Variants in GALNT13 observed in about 807,000 individuals in gnomAD.
The protein encoded by GALNT13 is polypeptide N-acetylgalactosaminyltransferase 13.
A neutral mutation model predicts 64.2 loss-of-function variants in GALNT13; 28 were observed. That is an observed-to-expected ratio of 0.44 (90% CI 0.32 to 0.60). The LOEUF is 0.60. Ranked by LOEUF, GALNT13 falls within the 20% of genes least tolerant of loss-of-function variation. The pLI is 0.05. For missense variants in GALNT13, 577 were observed against 669.8 expected (o/e 0.86, Z 1.53); for synonymous variants, 214 against 224.6 (o/e 0.95, Z 0.42).
At chr2:153,668,956 A>G in the GALNT13 span, among the ~76,000 whole-genome samples, 394 of 152,342 alleles carry the variant, frequency 2.6e-3, 1 homozygote, top group Non-Finnish European at 4.4e-3. Flanking sequence ...AGATGAGGAC[A>G]GAACAGGAAA....
At chr2:153,250,514 A>G in the GALNT13 span, among the ~76,000 whole-genome samples, 3 of 152,218 alleles carry the variant, frequency 2.0e-5, no homozygotes, top group African/African-American at 4.8e-5. Context: ...CATTTGATCC[A>G]TCAGTTCTGT....
chr2:153,118,433 A>G, the GALNT13 span, among the ~76,000 whole-genome samples: 1 of 152,130 alleles, frequency 6.6e-6, no homozygotes, highest in Non-Finnish European at 1.5e-5. Flanking sequence ...CTGGCTTCAT[A>G]CAAGCAGGTG....
At chr2:154,424,968 A>G (rs1700408857) in intron 11 of GALNT13, among the ~76,000 whole-genome samples, 1 of 152,318 alleles carries the variant, frequency 6.6e-6, no homozygotes, top group Admixed American at 6.5e-5. Flanking sequence ...AAACTTTGGT[A>G]TTATTTGCAC....
chr2:153,412,059 C>G, the GALNT13 span, among the ~76,000 whole-genome samples: 1 of 152,188 alleles, frequency 6.6e-6, no homozygotes, highest in Admixed American at 6.5e-5. Flanking sequence ...CTACATCTTT[C>G]TCGTGTGCTG....
chr2:153,304,125 G>T, the GALNT13 span, among the ~76,000 whole-genome samples: 1 of 151,358 alleles, frequency 6.6e-6, no homozygotes, highest in South Asian at 2.1e-4. Context: ...ATTATCAGAT[G>T]CCACCACCAT....
the GALNT13 span, among the ~76,000 whole-genome samples, chr2:153,541,317 C>A: frequency 7.9e-5 from 12 of 152,262 alleles, no homozygotes; most frequent in South Asian, 2.5e-3. Flanking sequence ...TTTCCTGAGG[C>A]TTCCCTAATC....
the GALNT13 span, among the ~76,000 whole-genome samples, chr2:153,178,418 A>G: frequency 6.6e-6 from 1 of 152,120 alleles, no homozygotes; most frequent in Admixed American, 6.5e-5. Flanking sequence ...GTGTGAGGTG[A>G]TATCTCATTG....
At chr2:153,402,040 T>G in the GALNT13 span, among the ~76,000 whole-genome samples, 2 of 147,138 alleles carry the variant, frequency 1.4e-5, no homozygotes, top group South Asian at 2.3e-4. Context: ...CTTTACATTT[T>G]GGCATGATTT....
chr2:154,179,079 T>A (rs951560058), intron 4 of GALNT13, among the ~76,000 whole-genome samples: 2 of 152,160 alleles, frequency 1.3e-5, no homozygotes. Flanking sequence ...ATCTGCCCAA[T>A]AAACTCTCAC....
At chr2:153,663,820 T>C in the GALNT13 span, among the ~76,000 whole-genome samples, 2 of 152,216 alleles carry the variant, frequency 1.3e-5, no homozygotes, top group Non-Finnish European at 2.9e-5. Flanking sequence ...TCCTAATTCC[T>C]TTCTGAAAAG....
At chr2:153,509,632 G>C in the GALNT13 span, among the ~76,000 whole-genome samples, 1 of 152,224 alleles carries the variant, frequency 6.6e-6, no homozygotes, top group African/African-American at 2.4e-5. Context: ...TAGATAGGAG[G>C]TGTCAAATTC....
At chr2:153,358,030 G>C in the GALNT13 span, among the ~76,000 whole-genome samples, 3 of 152,110 alleles carry the variant, frequency 2.0e-5, no homozygotes, top group African/African-American at 7.2e-5. Context: ...TATGAACCGA[G>C]AAATGAGGTT....
chr2:153,725,521 A>G, the GALNT13 span, among the ~76,000 whole-genome samples: 1 of 151,810 alleles, frequency 6.6e-6, no homozygotes, highest in Non-Finnish European at 1.5e-5. Context: ...ACTAAGATGC[A>G]GTAGTTCTTT....
At chr2:153,786,658 C>T in the GALNT13 span, among the ~76,000 whole-genome samples, 1 of 151,668 alleles carries the variant, frequency 6.6e-6, no homozygotes, top group East Asian at 1.9e-4. Flanking sequence ...GCCCCAAGCT[C>T]ATGCCAGCAG....
At chr2:153,888,369 A>G (rs984031435) in intron 1 of GALNT13, among the ~76,000 whole-genome samples, 4 of 152,012 alleles carry the variant, frequency 2.6e-5, no homozygotes, top group South Asian at 4.1e-4. Context: ...AAATTGCATT[A>G]TGTTTTGTGA....
chr2:154,187,343 G>GAATGAGTAAGA (rs1686307136), intron 4 of GALNT13, among the ~76,000 whole-genome samples: 7 of 147,942 alleles, frequency 4.7e-5, no homozygotes, highest in Non-Finnish European at 1.5e-5. Flanking sequence ...ACAGTTAAGT[G>GAATGAGTAAGA]AATGAGTAAG....
intron 7 of GALNT13, among the ~76,000 whole-genome samples, chr2:154,248,375 A>G (rs936539819): frequency 1.8e-4 from 27 of 152,222 alleles, no homozygotes; most frequent in African/African-American, 6.5e-4. Context: ...AATAATATAC[A>G]TAATTACGAA....
At chr2:154,082,998 C>T (rs968555075) in intron 3 of GALNT13, among the ~76,000 whole-genome samples, 6 of 151,930 alleles carry the variant, frequency 3.9e-5, no homozygotes, top group African/African-American at 9.7e-5. Context: ...TGCCTTTGTC[C>T]GGAATGGTAT....
At chr2:153,150,759 G>A in the GALNT13 span, among the ~76,000 whole-genome samples, 1 of 151,958 alleles carries the variant, frequency 6.6e-6, no homozygotes, top group African/African-American at 2.4e-5. Context: ...TTTTTGTCAG[G>A]TTTGTCAAAG....
Sources: allele counts gnomAD v4.1 joint callset (sites outside exome capture counted in the v4.1 genomes callset), GRCh38; gene constraint gnomAD v4.1.1; transcripts MANE v1.5; gene names NCBI Gene and HGNC (gene_info 2026-07-23, HGNC 2026-07-21).